Variants in XIRP2 observed in about 807,000 individuals in gnomAD.
XIRP2 encodes xin actin binding repeat containing 2, also known as xin actin-binding repeat-containing protein 2.
XIRP2 carries 236 observed loss-of-function variants against 277.0 expected under a neutral mutation model. The ratio of observed to expected loss-of-function variants is 0.85; its 90% CI spans 0.77 to 0.95. The LOEUF (loss-of-function observed/expected upper bound fraction) is 0.95, where lower values mean the gene tolerates loss of function less well. Among genes scored for constraint, XIRP2 ranks in the 40% least tolerant of loss-of-function variants. The pLI is 0.00. For synonymous variants in XIRP2, 1,490 were observed against 1,416.5 expected, an observed-to-expected ratio of 1.05 and a Z score of -1.17; for missense variants, 4,640 against 4,157.5, an observed-to-expected ratio of 1.12 and a Z score of -3.19.
Position 167,247,744 on chromosome 2 carries a change from G to A in XIRP2, c.6352G>A (p.Gly2118Ser), listed in dbSNP as rs549342447. The change falls in exon 9 of 11, where the codon GGT becomes AGT. Residue 2118 changes from glycine to serine, a missense_variant. By Grantham distance (56) the Gly-to-Ser change is moderately conservative. Coordinates refer to ENST00000409195, the MANE Select transcript of XIRP2 (RefSeq NM_152381.6). The stretch of plus-strand genomic sequence containing the variant: ...TGTCTTTAATTCCATCCAATCTGCT[G>A]GTAAAACCGTTGGAAAGCAACAGAC... ...DDVFNSIQSAGKTVGKQQTYE... is the reference protein window; with the variant it reads ...DDVFNSIQSASKTVGKQQTYE... 5 of 1,613,476 alleles carry A rather than the reference G, an allele frequency of 3.1e-6. No homozygotes were observed. In the African/African-American group the frequency reaches 5.3e-5, roughly 17 times the overall value.
intron 3 of XIRP2, among the ~76,000 whole-genome samples, chr2:167,163,259 T>A (rs1374327499): frequency 6.6e-6 from 1 of 152,196 alleles, no homozygotes; most frequent in Non-Finnish European, 1.5e-5. Flanking sequence ...TTCCATAGTG[T>A]TTTGACCATT....
At chr2:167,193,388 T>C (rs1693404446) in intron 3 of XIRP2, among the ~76,000 whole-genome samples, 1 of 152,180 alleles carries the variant, frequency 6.6e-6, no homozygotes, top group Non-Finnish European at 1.5e-5. Flanking sequence ...AATGTGTATG[T>C]ATGTGAATGT....
chr2:167,188,698 A>G (rs1693235453), intron 3 of XIRP2, among the ~76,000 whole-genome samples: 1 of 152,210 alleles, frequency 6.6e-6, no homozygotes, highest in Non-Finnish European at 1.5e-5. Flanking sequence ...TCTTCTTGCT[A>G]GCAACATATA....
chr2:166,903,458 A>C lies in XIRP2; in HGVS notation c.-18-7A>C, dbSNP rs768850652. On this transcript the variant is annotated splice_region_variant and splice_polypyrimidine_tract_variant and intron_variant, in intron 1 of 10. Coordinates refer to ENST00000409195, the MANE Select transcript of XIRP2 (RefSeq NM_152381.6). ...TATCACTGATAAAAGGATTCTTGAT[A>C]TTGCAGGACAACCTGGACCCATCCA... is the stretch of plus-strand genomic sequence containing the variant. The C allele has an allele frequency of 6.3e-7, 1 of 1,589,474 alleles. No individual in the cohort carries two copies. Among genetic ancestry groups the C allele is most frequent in the East Asian group, 2.2e-5 (1 of 44,516 alleles).
chr2:167,097,067 G>C (rs1305206307), intron 2 of XIRP2, among the ~76,000 whole-genome samples: 1 of 152,138 alleles, frequency 6.6e-6, no homozygotes, highest in Non-Finnish European at 1.5e-5. Flanking sequence ...AGGTTCACTA[G>C]GTCCAGAGCT....
chr2:167,059,094 T>G (rs538870783), intron 2 of XIRP2, among the ~76,000 whole-genome samples: 1 of 146,940 alleles, frequency 6.8e-6, no homozygotes, highest in East Asian at 2.0e-4. Flanking sequence ...ATTTAACTTT[T>G]TTTTCTCTTT....
intron 3 of XIRP2, among the ~76,000 whole-genome samples, chr2:167,155,567 C>G (rs1166055066): frequency 1.3e-5 from 2 of 152,116 alleles, no homozygotes; most frequent in African/African-American, 4.8e-5. Flanking sequence ...TAAAAACACT[C>G]AATAAATTAG....
At chr2:166,957,334 T>C (rs1483510625) in intron 2 of XIRP2, among the ~76,000 whole-genome samples, 1 of 151,828 alleles carries the variant, frequency 6.6e-6, no homozygotes, top group Non-Finnish European at 1.5e-5. Flanking sequence ...AAAATAATTT[T>C]CTTCAGGCAT....
At chr2:167,008,822 T>G (rs947700129) in intron 2 of XIRP2, among the ~76,000 whole-genome samples, 1 of 151,596 alleles carries the variant, frequency 6.6e-6, no homozygotes, top group Non-Finnish European at 1.5e-5. Context: ...AATTAAAAAT[T>G]TTATATTTCA....
In XIRP2 at chr2:167,246,840, A is replaced by G; in HGVS notation, c.5448A>G (p.Thr1816=). 1 of 1,613,860 alleles carries G rather than the reference A, an allele frequency of 6.2e-7. No individual in the cohort carries two copies. Among genetic ancestry groups the G allele is most frequent in the Non-Finnish European group, 8.5e-7 (1 of 1,179,844 alleles). ...TCATCCCTGGAGATGTGCATAACAC[A>G]GTTAAGGTTTTTATGACCGAGCCTC... is the stretch of plus-strand genomic sequence containing the variant. ...TDIIPGDVHN[T]VKVFMTEPQS... The change falls in exon 9 of 11, where the codon ACA becomes ACG. Residue 1816 remains threonine, a synonymous_variant. Transcript: ENST00000409195.
intron 2 of XIRP2, among the ~76,000 whole-genome samples, chr2:167,081,860 C>T (rs961529215): frequency 1.3e-5 from 2 of 151,922 alleles, no homozygotes; most frequent in African/African-American, 4.8e-5. Context: ...TTCTTGTTTC[C>T]ATCAATTGTG....
intron 2 of XIRP2, among the ~76,000 whole-genome samples, chr2:166,932,216 CTT>C (rs373806059): frequency 1.1e-4 from 15 of 141,336 alleles, no homozygotes; most frequent in African/African-American, 1.0e-4. Flanking sequence ...CTCTCTCTCT[CTT>C]TTTTTTTTTT....
Position 167,245,141 on chromosome 2 carries a change from A to G in XIRP2, c.3749A>G (p.Lys1250Arg). The change falls in exon 9 of 11, where the codon AAG (lysine) becomes AGG (arginine). Residue 1250 changes from lysine (K) to arginine (R), a missense_variant. Transcript: ENST00000409195. The stretch of plus-strand genomic sequence containing the variant: ...CTTTTTGAAAACCAACCAATTGATA[A>G]GATAAAAGAAAGCCAAGAAGGTGAT... Reference protein sequence around the residue: ...RWLFENQPIDKIKESQEGDEC... With the variant: ...RWLFENQPIDRIKESQEGDEC... 5.6e-6 allele frequency: 9 copies of G among 1,612,392 alleles called. No homozygotes were observed. The highest frequency in any genetic ancestry group is 7.6e-6 in the Non-Finnish European group (9 of 1,179,438).
intron 2 of XIRP2, among the ~76,000 whole-genome samples, chr2:167,077,833 G>A (rs572386020): frequency 1.3e-5 from 2 of 152,162 alleles, no homozygotes; most frequent in Non-Finnish European, 2.9e-5. Flanking sequence ...ACCAGTTTTA[G>A]GGTTTTATAG....
At chr2:167,068,182 C>T (rs73014186) in intron 2 of XIRP2, among the ~76,000 whole-genome samples, 23,019 of 152,038 alleles carry the variant, frequency 0.15, 3,600 homozygotes, top group African/African-American at 0.4. Context: ...TATTAAATTA[C>T]CTGAAAATTT....
intron 2 of XIRP2, among the ~76,000 whole-genome samples, chr2:167,024,718 G>T (rs1688099688): frequency 6.6e-6 from 1 of 152,086 alleles, no homozygotes. Context: ...TAATCATGTG[G>T]TTTTTGTCTT....
intron 2 of XIRP2, among the ~76,000 whole-genome samples, chr2:167,126,711 C>T (rs989072490): frequency 3.3e-5 from 5 of 152,122 alleles, no homozygotes; most frequent in Admixed American, 6.6e-5. Flanking sequence ...TGGGAAAAAC[C>T]ATGGGGGCTG....
In XIRP2 at chr2:167,250,292, A is replaced by G. The variant is rs1305378321; in HGVS notation, c.8900A>G (p.Glu2967Gly). The change falls in exon 9 of 11, where the codon GAG (glutamate) becomes GGG (glycine). Residue 2967 changes from glutamate to glycine, a missense_variant. Glu to Gly is a moderately conservative substitution (Grantham distance 98). Transcript: ENST00000409195. ...TCGAGAGTGAAACAGTTTGAAGCAG[A>G]GCCAAATAAAAGTGGCCTTAAAACA... ...ILSRVKQFEAEPNKSGLKTFQ... is the reference protein window; with the variant it reads ...ILSRVKQFEAGPNKSGLKTFQ... 2 of 1,613,090 alleles carry G rather than the reference A, an allele frequency of 1.2e-6. No homozygotes were observed. Among genetic ancestry groups the G allele is most frequent in the South Asian group, 1.1e-5 (1 of 90,890 alleles).
intron 4 of XIRP2, among the ~76,000 whole-genome samples, chr2:167,217,891 C>T (rs529208315): frequency 1.3e-5 from 2 of 152,094 alleles, no homozygotes; most frequent in Non-Finnish European, 1.5e-5. Context: ...TAGGTCTTAT[C>T]TGCAGACATC....
Sources: gnomAD v4.1 joint callset for allele counts (sites outside exome capture counted in the v4.1 genomes callset) on GRCh38, gnomAD v4.1.1 for gene constraint, MANE v1.5 for transcripts, NCBI Gene and HGNC (gene_info 2026-07-23, HGNC 2026-07-21) for gene names.